CACNB4: variants seen among roughly 807,000 people sequenced by gnomAD.
The protein encoded by CACNB4 is calcium voltage-gated channel auxiliary subunit beta 4.
In CACNB4, 32 loss-of-function variants were observed where a neutral mutation model predicts 71.2. That is an observed-to-expected ratio of 0.45 (90% CI 0.34 to 0.60). The LOEUF (loss-of-function observed/expected upper bound fraction) is 0.60. Among genes scored for constraint, CACNB4 ranks in the 20% least tolerant of loss-of-function variants. The pLI, the probability that CACNB4 is intolerant of heterozygous loss-of-function variation, is 0.01. For synonymous variants in CACNB4, 231 were observed against 236.9 expected, an observed-to-expected ratio of 0.97 and a Z score of 0.23; for missense variants, 464 against 647.9, an observed-to-expected ratio of 0.72 and a Z score of 3.08.
chr2:151,914,272 A>G (rs1334664026), intron 2 of CACNB4, among the ~76,000 whole-genome samples: 1 of 151,994 alleles, frequency 6.6e-6, no homozygotes, highest in Non-Finnish European at 1.5e-5. Flanking sequence ...AGCTATTGAT[A>G]CTTGTGTATG....
chr2:151,883,133 G>T, intron 3 of CACNB4, 118 bp downstream of exon 3: 3 of 1,054,538 alleles, frequency 2.8e-6, no homozygotes, highest in Non-Finnish European at 4.2e-6. Flanking sequence ...TCCCAATCTG[G>T]AGCCTTGTTA....
intron 8 of CACNB4, 147 bp downstream of exon 8, chr2:151,870,384 C>T: frequency 1.4e-6 from 1 of 719,524 alleles, no homozygotes; most frequent in Non-Finnish European, 2.5e-6. Context: ...GCCTCATGAG[C>T]CCCACACGGT....
chr2:151,881,639 A>G (rs73967709), intron 3 of CACNB4, among the ~76,000 whole-genome samples: 1,604 of 152,326 alleles, frequency 0.011, 33 homozygotes, highest in African/African-American at 0.037. Flanking sequence ...CTGAAAGAAA[A>G]TTTTGTAACA....
chr2:151,998,016 G>T (rs1293527644), intron 2 of CACNB4, among the ~76,000 whole-genome samples: 1 of 152,100 alleles, frequency 6.6e-6, no homozygotes, highest in African/African-American at 2.4e-5. Flanking sequence ...TTCCAGAAAT[G>T]AATGTTTATC....
intron 4 of CACNB4, among the ~76,000 whole-genome samples, chr2:151,878,855 G>A (rs2099847146): frequency 1.3e-5 from 2 of 151,142 alleles, no homozygotes; most frequent in Non-Finnish European, 3.0e-5. Flanking sequence ...AGACAGCAGT[G>A]AGCTGTGATT....
At chr2:152,042,742 C>T (rs1250735784) in intron 2 of CACNB4, among the ~76,000 whole-genome samples, 1 of 152,010 alleles carries the variant, frequency 6.6e-6, no homozygotes, top group African/African-American at 2.4e-5. Context: ...AGAGCAACTC[C>T]ATCTTGAATA....
chr2:151,984,382 C>A (rs1399047498), intron 2 of CACNB4, among the ~76,000 whole-genome samples: 2 of 152,052 alleles, frequency 1.3e-5, no homozygotes, highest in African/African-American at 4.8e-5. Context: ...CAACCAGGTA[C>A]CTTTAGAGCT....
At chr2:151,876,081 C>G (rs72621649) in intron 5 of CACNB4, among the ~76,000 whole-genome samples, 2 of 152,076 alleles carry the variant, frequency 1.3e-5, no homozygotes, top group African/African-American at 4.8e-5. Flanking sequence ...AAGGGAGAGT[C>G]TCTGTAAGCG....
At chr2:151,895,314 G>C (rs1227033590) in intron 2 of CACNB4, among the ~76,000 whole-genome samples, 3 of 151,988 alleles carry the variant, frequency 2.0e-5, no homozygotes, top group African/African-American at 7.3e-5. Flanking sequence ...AAATAGAAGA[G>C]CATGTAGCCA....
chr2:151,903,232 G>A (rs182165813), intron 2 of CACNB4, among the ~76,000 whole-genome samples: 172 of 152,128 alleles, frequency 1.1e-3, no homozygotes, highest in Non-Finnish European at 1.6e-3. Context: ...TTTACTTTGA[G>A]GCCGGGCATG....
chr2:151,968,002 G>A (rs930008385), intron 2 of CACNB4: 17 of 152,190 alleles, frequency 1.1e-4, no homozygotes, highest in Admixed American at 2.0e-4. Context: ...AAATTGTCAC[G>A]TGAGCTATCT....
chr2:152,070,426 T>C (rs943134035), intron 2 of CACNB4, among the ~76,000 whole-genome samples: 2 of 152,174 alleles, frequency 1.3e-5, no homozygotes, highest in African/African-American at 4.8e-5. Flanking sequence ...ATATCAAAGA[T>C]ACTAGAACCC....
chr2:152,084,506 G>A (rs1286056808), intron 2 of CACNB4, among the ~76,000 whole-genome samples: 1 of 152,194 alleles, frequency 6.6e-6, no homozygotes, highest in African/African-American at 2.4e-5. Flanking sequence ...AACAGGTTAG[G>A]GGGAAGGTGT....
rs1362427322 is a variant in CACNB4 at position 151,837,223 on chromosome 2, A to G, written c.*1896T>C. ...CCAGTATCACATGTTAACTTTTAAA[A>G]TTTACTAAGCCCATATTTTTTAATT... On this transcript the variant is annotated 3_prime_UTR_variant, in exon 14 of 14. Coordinates refer to ENST00000539935, the MANE Select transcript of CACNB4 (RefSeq NM_000726.5). 3 of 152,010 alleles carry G rather than the reference A, an allele frequency of 2.0e-5. No individual in the cohort carries two copies. The highest frequency in any genetic ancestry group is 2.9e-5 in the Non-Finnish European group (2 of 67,900). 9.4% of individuals were successfully genotyped at this position (152,010 alleles called of 1,614,324 possible).
rs532390938 is a variant in CACNB4 at position 151,952,810 on chromosome 2, C to G, written c.148-69440G>C. On this transcript the variant is annotated intron_variant, in intron 2 of 13. Transcript: ENST00000539935. The stretch of plus-strand genomic sequence containing the variant: ...ATGTAATTGATTCACGTTCTGGCAC[C>G]GTTACTCAAAAACATTTGAAACACT... 8.5e-5 allele frequency among the ~76,000 whole-genome samples: 13 copies of G among 152,084 alleles called. 1 individual carries two copies.
At position 152,036,131 on chromosome 2, in the gene CACNB4, TATA is replaced by T. The variant is rs146349893; in HGVS notation, c.147+62196_147+62198del. Among the ~76,000 whole-genome samples, 906 of 152,086 alleles carry T rather than the reference TATA, an allele frequency of 6.0e-3. 8 individuals carry two copies. Among genetic ancestry groups the T allele is most frequent in the African/African-American group, 0.021 (871 of 41,484 alleles). ...CAGTAAAACTCTTAGAAGTAGAAAA[TATA>T]ATGTGGTTGCCAAGCACCGGGAGGA... On this transcript the variant is annotated intron_variant, in intron 2 of 13. Coordinates refer to ENST00000539935, the MANE Select transcript of CACNB4 (RefSeq NM_000726.5).
chr2:151,890,915 A>G (rs1458449903), intron 2 of CACNB4, among the ~76,000 whole-genome samples: 1 of 152,216 alleles, frequency 6.6e-6, no homozygotes, highest in African/African-American at 2.4e-5. Context: ...ATTCTAAGGT[A>G]GCACTGAGAG....
chr2:151,982,189 C>A (rs1438564006), intron 2 of CACNB4, among the ~76,000 whole-genome samples: 2 of 152,124 alleles, frequency 1.3e-5, no homozygotes, highest in Non-Finnish European at 2.9e-5. Context: ...GCCATTCCAC[C>A]TTCAATTTTA....
chr2:152,074,843 C>T (rs1042953200), intron 2 of CACNB4, among the ~76,000 whole-genome samples: 2 of 152,124 alleles, frequency 1.3e-5, no homozygotes, highest in African/African-American at 4.8e-5. Context: ...ATCACCACCC[C>T]TGCCCTGACA....
Sources: allele counts gnomAD v4.1 joint callset (sites outside exome capture counted in the v4.1 genomes callset), GRCh38; gene constraint gnomAD v4.1.1; transcripts MANE v1.5; gene names NCBI Gene and HGNC (gene_info 2026-07-23, HGNC 2026-07-21).